The following AGTPBP1 variants were observed in gnomAD, a reference collection of about 807,000 sequenced individuals.
The protein encoded by AGTPBP1 is cytosolic carboxypeptidase 1.
A neutral mutation model predicts 143.9 loss-of-function variants in AGTPBP1; 70 were observed. The observed-to-expected ratio is 0.49, with a 90% CI of 0.40 to 0.59. AGTPBP1 has a LOEUF of 0.59. Among genes scored for constraint, AGTPBP1 ranks in the 20% least tolerant of loss-of-function variants. The probability of loss-of-function intolerance (pLI) is 0.00; values close to 1 mark genes in which losing one functional copy is unlikely to be tolerated. For missense variants in AGTPBP1, 1,229 were observed against 1,464.5 expected (o/e 0.84, Z 2.62); for synonymous variants, 463 against 500.2 (o/e 0.93, Z 0.99).
chr9:85,709,785 C>T (rs1028884100), intron 2 of AGTPBP1, among the ~76,000 whole-genome samples: 12 of 152,078 alleles, frequency 7.9e-5, no homozygotes, highest in African/African-American at 2.4e-4. Context: ...TAGAGTTTTT[C>T]TAATGATAAG....
At chr9:85,572,882 T>C (rs755204649) in intron 25 of AGTPBP1, among the ~76,000 whole-genome samples, 29 of 152,276 alleles carry the variant, frequency 1.9e-4, no homozygotes, top group Admixed American at 5.9e-4. Flanking sequence ...GTAATGTTTG[T>C]CACACCTAAA....
At chr9:85,635,063 A>C (rs781658254) in intron 13 of AGTPBP1, among the ~76,000 whole-genome samples, 1 of 152,194 alleles carries the variant, frequency 6.6e-6, no homozygotes, top group Non-Finnish European at 1.5e-5. Flanking sequence ...TCTGTTAATC[A>C]GTCGCAATTC....
chr9:85,674,968 C>T (rs1292502216), intron 6 of AGTPBP1, among the ~76,000 whole-genome samples: 2 of 152,008 alleles, frequency 1.3e-5, no homozygotes, highest in African/African-American at 4.8e-5. Flanking sequence ...ACGATCTCGG[C>T]TCACTGCAAC....
intron 1 of AGTPBP1, among the ~76,000 whole-genome samples, chr9:85,713,188 C>T (rs1837490460): frequency 6.6e-6 from 1 of 152,168 alleles, no homozygotes; most frequent in East Asian, 1.9e-4. Flanking sequence ...CTTACTGTAG[C>T]AGAATTTTTT....
In AGTPBP1 at chr9:85,632,803, T is replaced by C. The variant is rs540604771; in HGVS notation, c.1874A>G (p.His625Arg). 8 of 1,614,192 alleles carry C rather than the reference T, an allele frequency of 5.0e-6. No homozygotes were observed. The highest frequency in any genetic ancestry group is 5.9e-6 in the Non-Finnish European group (7 of 1,180,030). Residue 625 changes from histidine (H) to arginine (R), a missense_variant, in exon 14 of 26, where the codon CAT becomes CGT. Coordinates refer to ENST00000357081, the MANE Select transcript of AGTPBP1 (RefSeq NM_001330701.2). ...AATCTCAATATAGAGGTCTGGGTCA[T>C]GGAGTGTTGGTCCATCAGGTACTTC... ...SVEVPDGPTL[H>R]DPDLYIEIVK... is the part of the protein sequence containing the mutation.
At position 85,672,034 on chromosome 9, in the gene AGTPBP1, G is replaced by T. The variant is rs374786142; in HGVS notation, c.568+516C>A. Among the ~76,000 whole-genome samples the T allele has an allele frequency of 3.0e-4, 45 of 151,850 alleles. 1 individual carries two copies. In the South Asian group the frequency reaches 3.3e-3, roughly 11 times the overall value. Reference sequence around the variant, plus strand: ...TCACTCCTATCCTTTATAAATTGGAGAAATTAGTTAGAATGTTCAAGGTTT... The same window carrying T: ...TCACTCCTATCCTTTATAAATTGGATAAATTAGTTAGAATGTTCAAGGTTT... On this transcript the variant is annotated intron_variant, in intron 7 of 25. Coordinates refer to ENST00000357081, the MANE Select transcript of AGTPBP1 (RefSeq NM_001330701.2).
At chr9:85,565,806 C>T (rs1299998374) in intron 25 of AGTPBP1, among the ~76,000 whole-genome samples, 3 of 152,134 alleles carry the variant, frequency 2.0e-5, no homozygotes, top group Admixed American at 6.5e-5. Context: ...CACTCATCCT[C>T]GTCTCAAATG....
chr9:85,791,105 C>A, the AGTPBP1 span, among the ~76,000 whole-genome samples: 1 of 152,114 alleles, frequency 6.6e-6, no homozygotes, highest in African/African-American at 2.4e-5. Flanking sequence ...ATCAGCCAGG[C>A]ACGGTGGCTC....
intron 4 of AGTPBP1, among the ~76,000 whole-genome samples, chr9:85,678,820 A>C (rs1380738526): frequency 6.6e-6 from 1 of 152,240 alleles, no homozygotes; most frequent in Non-Finnish European, 1.5e-5. Context: ...AAATCCATGT[A>C]AATATACATG....
At chr9:85,686,256 A>G (rs1487026195) in intron 3 of AGTPBP1, among the ~76,000 whole-genome samples, 1 of 152,106 alleles carries the variant, frequency 6.6e-6, no homozygotes, top group Non-Finnish European at 1.5e-5. Flanking sequence ...GGAGTAAAAG[A>G]ATAGAAAAGA....
At chr9:85,627,658 C>T (rs1831387743) in intron 14 of AGTPBP1, among the ~76,000 whole-genome samples, 1 of 152,136 alleles carries the variant, frequency 6.6e-6, no homozygotes, top group Non-Finnish European at 1.5e-5. Flanking sequence ...ATTTTCCTTC[C>T]CCTTTGCCCC....
At chr9:85,741,626 A>G (rs1824288472) in intron 1 of AGTPBP1, 149 bp downstream of exon 1, 3 of 1,240,884 alleles carry the variant, frequency 2.4e-6, no homozygotes, top group South Asian at 6.9e-5. Flanking sequence ...TCACATGTGT[A>G]ACATGCGTTA....
At chr9:85,592,776 A>G in intron 18 of AGTPBP1, 72 bp from the exon 19 acceptor site, 5 of 1,547,866 alleles carry the variant, frequency 3.2e-6, no homozygotes, top group Non-Finnish European at 4.4e-6. Flanking sequence ...ACTTTTATTA[A>G]ATAGAACTTC....
rs1338090881 is a variant in AGTPBP1, at chr9:85,728,028, TATAC to T, written c.-34+13743_-34+13746del. Among the ~76,000 whole-genome samples the T allele has an allele frequency of 2.0e-3, 245 of 120,896 alleles. 2 individuals are homozygous for T. The highest frequency in any genetic ancestry group is 0.014 in the East Asian group (38 of 2,708). 79.3% of individuals were successfully genotyped at this position (120,896 alleles called of 152,430 possible). A position where few individuals can be genotyped will look rare whatever the true frequency, so the allele number is the denominator to read the frequency against. ...GACCGTGTCTCAAAATATATATTTATATACACACACACACACACACACACACACA... is the reference window on the plus strand; with the variant it reads ...GACCGTGTCTCAAAATATATATTTATACACACACACACACACACACACACA... On this transcript the variant is annotated intron_variant, in intron 1 of 25. Transcript: ENST00000357081.
At chr9:85,689,925 A>AAAAAAAAAAAAAAAT (rs58719163) in intron 3 of AGTPBP1, among the ~76,000 whole-genome samples, 1 of 72,496 alleles carries the variant, frequency 1.4e-5, no homozygotes, top group Non-Finnish European at 2.4e-5. Context: ...AAAAAAAAAA[A>AAAAAAAAAAAAAAAT]ATATATATAT....
chr9:85,600,587 A>G (rs1829599254), intron 17 of AGTPBP1, among the ~76,000 whole-genome samples: 1 of 152,114 alleles, frequency 6.6e-6, no homozygotes, highest in East Asian at 1.9e-4. Context: ...AGTACAGGAA[A>G]AGGGTAAGTG....
At chr9:85,681,940 G>C (rs767855412) in intron 3 of AGTPBP1, among the ~76,000 whole-genome samples, 2 of 151,148 alleles carry the variant, frequency 1.3e-5, no homozygotes, top group Non-Finnish European at 3.0e-5. Context: ...AGTAGAGACG[G>C]GGTTTTACCC....
intron 14 of AGTPBP1, among the ~76,000 whole-genome samples, chr9:85,622,781 C>G (rs1831020941): frequency 6.6e-6 from 1 of 152,026 alleles, no homozygotes; most frequent in Admixed American, 6.6e-5. Flanking sequence ...TAAATAAATT[C>G]AGAATTTACA....
At position 85,621,207 on chromosome 9, in the gene AGTPBP1, GT is replaced by G; in HGVS notation, c.2093del (p.Asn698ThrfsTer13). 6.9e-7 allele frequency: 1 copy of G among 1,452,208 alleles called. No homozygotes were observed. The highest frequency in any genetic ancestry group is 9.1e-7 in the Non-Finnish European group (1 of 1,104,952). 90.0% of individuals were successfully genotyped at this position (1,452,208 alleles called of 1,614,324 possible). ...IIDRVVYDLD[N>X]PNYTIPEEGD... ...TCATTAAAATCAAGACTTACTTTGG[GT>G]TATCCAAGTCATATACCACACGATC... is the stretch of plus-strand genomic sequence containing the variant. On this transcript the variant is annotated frameshift_variant, in exon 15 of 26. Transcript: ENST00000357081. LOFTEE classifies it high-confidence loss of function.
Sources: gnomAD v4.1 joint callset for allele counts (sites outside exome capture counted in the v4.1 genomes callset) on GRCh38, gnomAD v4.1.1 for gene constraint, MANE v1.5 for transcripts, NCBI Gene and HGNC (gene_info 2026-07-23, HGNC 2026-07-21) for gene names.